UBE2R2: variants seen among roughly 807,000 people sequenced by gnomAD.
UBE2R2 encodes ubiquitin-conjugating enzyme E2 R2.
A neutral mutation model predicts 27.8 loss-of-function variants in UBE2R2; 1 was observed. The ratio of observed to expected loss-of-function variants is 0.04; its 90% CI spans 0.01 to 0.17. The LOEUF is 0.17. UBE2R2 is among the 10% of genes least tolerant of loss of function. UBE2R2 has a pLI of 1.00. For synonymous variants in UBE2R2, 106 were observed against 113.3 expected (o/e 0.94, Z 0.41); for missense variants, 100 against 291.0 (o/e 0.34, Z 4.78).
chr9:33,840,004 A>G (rs1270640178), intron 1 of UBE2R2, among the ~76,000 whole-genome samples: 1 of 152,198 alleles, frequency 6.6e-6, no homozygotes, highest in Non-Finnish European at 1.5e-5. Flanking sequence ...TCTTAAAAAA[A>G]AAAAATTCTG....
At chr9:33,863,901 A>G (rs190988417) in intron 1 of UBE2R2, among the ~76,000 whole-genome samples, 1 of 151,606 alleles carries the variant, frequency 6.6e-6, no homozygotes, top group East Asian at 1.9e-4. Flanking sequence ...GCTCACTGCA[A>G]CCTCTGCCTC....
At chr9:33,825,056 A>G (rs1722118886) in intron 1 of UBE2R2, among the ~76,000 whole-genome samples, 1 of 152,058 alleles carries the variant, frequency 6.6e-6, no homozygotes, top group Non-Finnish European at 1.5e-5. Context: ...AAAAATTTTT[A>G]TTGAGGACTC....
At chr9:33,826,510 A>G (rs187634765) in intron 1 of UBE2R2, among the ~76,000 whole-genome samples, 4 of 152,118 alleles carry the variant, frequency 2.6e-5, no homozygotes, top group Non-Finnish European at 5.9e-5. Context: ...CATTCTGGCT[A>G]ACACGGTCAA....
intron 2 of UBE2R2, among the ~76,000 whole-genome samples, chr9:33,889,035 A>C (rs1821923529): frequency 6.6e-6 from 1 of 152,198 alleles, no homozygotes; most frequent in Non-Finnish European, 1.5e-5. Flanking sequence ...ATATTGTTTA[A>C]TATTTGACAT....
At chr9:33,880,525 G>A (rs532076380) in intron 1 of UBE2R2, among the ~76,000 whole-genome samples, 2 of 152,250 alleles carry the variant, frequency 1.3e-5, no homozygotes, top group South Asian at 4.2e-4. Flanking sequence ...TTTGTAGATA[G>A]ATGTTGTACG....
At chr9:33,816,514 T>C (rs1269059967), upstream of UBE2R2, among the ~76,000 whole-genome samples, 1 of 152,206 alleles carries the variant, frequency 6.6e-6, no homozygotes, top group African/African-American at 2.4e-5. Flanking sequence ...CAACTTCCTC[T>C]TTGTAGTTAA....
At chr9:33,905,629 A>G (rs1822337369) in intron 3 of UBE2R2, among the ~76,000 whole-genome samples, 1 of 152,236 alleles carries the variant, frequency 6.6e-6, no homozygotes, top group South Asian at 2.1e-4. Context: ...AGCAGCCTAA[A>G]GAGAAACTTT....
intron 1 of UBE2R2, among the ~76,000 whole-genome samples, chr9:33,866,860 ATGTGAATCCACATACATGTAT>A (rs1821374933): frequency 6.6e-6 from 1 of 152,282 alleles, no homozygotes; most frequent in African/African-American, 2.4e-5. Flanking sequence ...TGGATTGTGT[ATGTGAATCCACATACATGTAT>A]TGTGAATAAC....
At chr9:33,836,106 C>T (rs1820608193) in intron 1 of UBE2R2, among the ~76,000 whole-genome samples, 1 of 151,862 alleles carries the variant, frequency 6.6e-6, no homozygotes, top group East Asian at 1.9e-4. Context: ...GAGTTTGAGA[C>T]CAGCCCGGCC....
intron 1 of UBE2R2, among the ~76,000 whole-genome samples, chr9:33,878,978 T>C (rs1821674178): frequency 6.6e-6 from 1 of 152,112 alleles, no homozygotes. Context: ...TAATTAGGAC[T>C]ACACAGAGTA....
intron 3 of UBE2R2, among the ~76,000 whole-genome samples, chr9:33,900,923 CTCTG>C (rs953549154): frequency 1.8e-4 from 27 of 152,116 alleles, no homozygotes; most frequent in African/African-American, 6.5e-4. Context: ...CTCTCTCTGT[CTCTG>C]TCTCTCTCTC....
At chr9:33,913,323 G>A (rs1822537574) in intron 4 of UBE2R2, among the ~76,000 whole-genome samples, 1 of 152,122 alleles carries the variant, frequency 6.6e-6, no homozygotes, top group African/African-American at 2.4e-5. Context: ...GAGTGCAATG[G>A]TGTGATTACA....
chr9:33,854,393 C>T (rs1412169114), intron 1 of UBE2R2, among the ~76,000 whole-genome samples: 1 of 151,866 alleles, frequency 6.6e-6, no homozygotes, highest in African/African-American at 2.4e-5. Context: ...AATCTCAGCT[C>T]ACTGCAACTT....
At chr9:33,818,051 A>C (rs1587418334) in intron 1 of UBE2R2, 117 bp downstream of exon 1, 2 of 1,070,294 alleles carry the variant, frequency 1.9e-6, no homozygotes, top group Non-Finnish European at 2.5e-6. Flanking sequence ...GGGGCTTCTC[A>C]CCCGTGCAGC....
chr9:33,817,129 C>G (rs1324390932), upstream of UBE2R2, among the ~76,000 whole-genome samples: 4 of 151,642 alleles, frequency 2.6e-5, no homozygotes, highest in South Asian at 8.3e-4. Context: ...GTGCGCCCCT[C>G]CTCCCTCTCT....
At chr9:33,887,307 T>C (rs1821881840) in intron 2 of UBE2R2, among the ~76,000 whole-genome samples, 2 of 152,232 alleles carry the variant, frequency 1.3e-5, no homozygotes, top group South Asian at 4.1e-4. Flanking sequence ...GCCTATCCTC[T>C]AACTTCACAG....
chr9:33,914,412 G>A (rs915681493), intron 4 of UBE2R2, among the ~76,000 whole-genome samples: 2 of 152,286 alleles, frequency 1.3e-5, no homozygotes, highest in South Asian at 2.1e-4. Context: ...AGAAAATTAA[G>A]CAAGAGAGGC....
At chr9:33,841,435 ACTT>A (rs1402258090) in intron 1 of UBE2R2, among the ~76,000 whole-genome samples, 4 of 151,662 alleles carry the variant, frequency 2.6e-5, no homozygotes, top group Non-Finnish European at 4.4e-5. Flanking sequence ...GACTTGGTCT[ACTT>A]CTTGTAGTTT....
At chr9:33,896,737 C>T (rs985755232) in intron 2 of UBE2R2, among the ~76,000 whole-genome samples, 1 of 151,770 alleles carries the variant, frequency 6.6e-6, no homozygotes, top group Non-Finnish European at 1.5e-5. Context: ...CGTGAGCCAC[C>T]GTGCCTAGCA....
Sources: gnomAD v4.1 joint callset for allele counts (sites outside exome capture counted in the v4.1 genomes callset) on GRCh38, gnomAD v4.1.1 for gene constraint, MANE v1.5 for transcripts, NCBI Gene and HGNC (gene_info 2026-07-23, HGNC 2026-07-21) for gene names.